The following RBFOX1 variants were observed in gnomAD, a reference collection of about 807,000 sequenced individuals.
RBFOX1 encodes RNA binding protein fox-1 homolog 1.
A neutral mutation model predicts 57.7 loss-of-function variants in RBFOX1; 8 were observed. That is an observed-to-expected ratio of 0.14 (90% confidence interval 0.08 to 0.25). The LOEUF is 0.25. Among genes scored for constraint, RBFOX1 ranks in the 10% least tolerant of loss-of-function variants. The pLI is 1.00. For missense variants in RBFOX1, 611 were observed against 548.5 expected, an observed-to-expected ratio of 1.11 and a Z score of -1.14; for synonymous variants, 326 against 222.4, an observed-to-expected ratio of 1.47 and a Z score of -4.15.
chr16:5,663,387 T>A (rs528132056), intron 3 of RBFOX1, among the ~76,000 whole-genome samples: 1 of 151,776 alleles, frequency 6.6e-6, no homozygotes, highest in East Asian at 1.9e-4. Context: ...TTTTTTTTTT[T>A]AGAAATGGGG....
intron 1 of RBFOX1, among the ~76,000 whole-genome samples, chr16:5,326,279 C>T (rs935153003): frequency 7.2e-5 from 11 of 152,170 alleles, no homozygotes; most frequent in South Asian, 2.1e-4. Flanking sequence ...CTCAAACTAA[C>T]AGCTTTCGGA....
chr16:6,655,594 A>G (rs959730553), intron 3 of RBFOX1, among the ~76,000 whole-genome samples: 2 of 152,128 alleles, frequency 1.3e-5, no homozygotes, highest in Non-Finnish European at 2.9e-5. Context: ...TTGTTTGTTA[A>G]TATTTTCACA....
chr16:5,923,652 C>T (rs2058881048), intron 4 of RBFOX1, among the ~76,000 whole-genome samples: 1 of 151,116 alleles, frequency 6.6e-6, no homozygotes, highest in South Asian at 2.1e-4. Flanking sequence ...TACATTTCTC[C>T]TGCCTTAACC....
intron 4 of RBFOX1, among the ~76,000 whole-genome samples, chr16:7,074,067 A>G (rs143290355): frequency 2.0e-5 from 3 of 152,114 alleles, no homozygotes; most frequent in Admixed American, 6.6e-5. Flanking sequence ...GACAGTTTCA[A>G]CGGAGACCAT....
intron 3 of RBFOX1, among the ~76,000 whole-genome samples, chr16:5,641,203 C>T (rs2048861879): frequency 6.6e-6 from 1 of 152,164 alleles, no homozygotes; most frequent in African/African-American, 2.4e-5. Context: ...CACACATGCA[C>T]ACCATGCATA....
chr16:5,480,710 T>G (rs1324845442), intron 2 of RBFOX1, among the ~76,000 whole-genome samples: 1 of 152,212 alleles, frequency 6.6e-6, no homozygotes, highest in Non-Finnish European at 1.5e-5. Context: ...CACTCTTTTG[T>G]GACTTGCTTT....
intron 3 of RBFOX1, among the ~76,000 whole-genome samples, chr16:5,677,827 C>G (rs1023153305): frequency 6.6e-6 from 1 of 152,024 alleles, no homozygotes; most frequent in South Asian, 2.1e-4. Context: ...TCTGGAGGAA[C>G]GTGTAAAAGT....
intron 7 of RBFOX1, among the ~76,000 whole-genome samples, chr16:7,592,694 G>A (rs766327231): frequency 2.0e-4 from 30 of 152,186 alleles, no homozygotes; most frequent in Non-Finnish European, 3.2e-4. Context: ...GGAAGAGAAC[G>A]TTGCCAAGAA....
intron 6 of RBFOX1, 76 bp downstream of exon 6, chr16:7,579,996 G>A: frequency 1.3e-6 from 2 of 1,504,052 alleles, no homozygotes. Flanking sequence ...TAAGTTTGGG[G>A]TATTTACAAT....
intron 10 of RBFOX1, 110 bp downstream of exon 10, chr16:7,607,448 C>G (rs1342556004): frequency 3.0e-6 from 3 of 986,998 alleles, no homozygotes; most frequent in African/African-American, 1.6e-5. Context: ...AATTCCTATC[C>G]TAACAAGTTC....
At chr16:7,497,238 C>G (rs1022396315) in intron 4 of RBFOX1, among the ~76,000 whole-genome samples, 8 of 152,150 alleles carry the variant, frequency 5.3e-5, no homozygotes, top group African/African-American at 1.7e-4. Flanking sequence ...GCCCCAGTTC[C>G]TGCTAAATCT....
intron 1 of RBFOX1, among the ~76,000 whole-genome samples, chr16:6,101,746 A>T (rs2096311565): frequency 6.6e-6 from 1 of 151,898 alleles, no homozygotes; most frequent in Non-Finnish European, 1.5e-5. Context: ...ACGTGGTGAA[A>T]CCTGTCTGTA....
intron 4 of RBFOX1, among the ~76,000 whole-genome samples, chr16:7,083,014 A>G (rs1248126077): frequency 6.6e-6 from 1 of 152,196 alleles, no homozygotes; most frequent in African/African-American, 2.4e-5. Flanking sequence ...ATTTGAATAT[A>G]TTTACTTTGT....
intron 4 of RBFOX1, among the ~76,000 whole-genome samples, chr16:5,943,176 T>C (rs1044610194): frequency 1.3e-5 from 2 of 152,226 alleles, no homozygotes; most frequent in Non-Finnish European, 2.9e-5. Context: ...CCCAAGCCAG[T>C]GCTTCTAGGT....
chr16:6,781,465 ACTC>A (rs1279378763), intron 3 of RBFOX1, among the ~76,000 whole-genome samples: 1 of 151,742 alleles, frequency 6.6e-6, no homozygotes, highest in Non-Finnish European at 1.5e-5. Flanking sequence ...AGTATTGTCT[ACTC>A]CTTGATTTTT....
At chr16:6,932,230 A>C (rs139404053) in intron 3 of RBFOX1, among the ~76,000 whole-genome samples, 18 of 152,160 alleles carry the variant, frequency 1.2e-4, no homozygotes, top group African/African-American at 3.9e-4. Flanking sequence ...CGGCCTCCCA[A>C]GTAGCTGGGA....
chr16:5,363,490 C>T lies in RBFOX1; in HGVS notation c.220-103726C>T, dbSNP rs568332112. On this transcript the variant is annotated intron_variant, in intron 1 of 2. Coordinates refer to the RBFOX1 transcript ENST00000585867. The stretch of plus-strand genomic sequence containing the variant: ...TTGCAGGAGGCTTATTTCATTTTCT[C>T]AAAAGTCCCATGGGCTTCAGGACTT... Among the ~76,000 whole-genome samples the T allele has an allele frequency of 2.4e-4, 36 of 152,280 alleles. 1 individual carries two copies. In the South Asian group the frequency reaches 7.5e-3, roughly 32 times the overall value.
chr16:6,564,424 C>T (rs942294233), intron 2 of RBFOX1, among the ~76,000 whole-genome samples: 2 of 152,130 alleles, frequency 1.3e-5, no homozygotes, highest in African/African-American at 2.4e-5. Context: ...CGTGCCACTA[C>T]ACTCCAGCCT....
chr16:6,180,644 C>T (rs1220787368), intron 1 of RBFOX1, among the ~76,000 whole-genome samples: 1 of 151,894 alleles, frequency 6.6e-6, no homozygotes, highest in Non-Finnish European at 1.5e-5. Flanking sequence ...CGGCTCACTG[C>T]AATCTCCACC....
Sources: gnomAD v4.1 joint callset for allele counts (sites outside exome capture counted in the v4.1 genomes callset) on GRCh38, gnomAD v4.1.1 for gene constraint, MANE v1.5 for transcripts, NCBI Gene and HGNC (gene_info 2026-07-23, HGNC 2026-07-21) for gene names.